The following FSTL1 variants were observed in gnomAD, a reference collection of about 807,000 sequenced individuals.
FSTL1 encodes follistatin-related protein 1.
FSTL1 carries 24 observed loss-of-function variants against 45.9 expected under a neutral mutation model. The ratio of observed to expected loss-of-function variants is 0.52; its 90% CI spans 0.38 to 0.74. The LOEUF is 0.74. Among genes scored for constraint, FSTL1 ranks in the 30% least tolerant of loss-of-function variants. FSTL1 has a pLI of 0.00. For missense variants in FSTL1, 340 were observed against 381.8 expected (o/e 0.89, Z 0.91); for synonymous variants, 120 against 137.6 (o/e 0.87, Z 0.89).
intron 5 of FSTL1, chr3:120,410,500 G>A: frequency 3.2e-6 from 1 of 308,854 alleles, no homozygotes; most frequent in Non-Finnish European, 6.4e-6. Flanking sequence ...TCTAAGGAAA[G>A]TATGTGCAAA....
chr3:120,414,489 G>T (rs1319793370), intron 3 of FSTL1, among the ~76,000 whole-genome samples: 1 of 151,776 alleles, frequency 6.6e-6, no homozygotes, highest in African/African-American at 2.4e-5. Flanking sequence ...TCTGGGAGGT[G>T]TGCCCAACAG....
intron 2 of FSTL1, among the ~76,000 whole-genome samples, chr3:120,429,996 C>T (rs577167225): frequency 6.6e-6 from 1 of 152,242 alleles, no homozygotes; most frequent in African/African-American, 2.4e-5. Flanking sequence ...GGAGTGCATT[C>T]TTACACATTC....
chr3:120,440,678 A>G (rs1218979922), intron 2 of FSTL1, among the ~76,000 whole-genome samples: 2 of 152,194 alleles, frequency 1.3e-5, no homozygotes, highest in Admixed American at 6.5e-5. Flanking sequence ...TCCTCTTTTG[A>G]GTTGACTTTG....
At chr3:120,450,847 C>T in intron 1 of FSTL1, 50 bp downstream of exon 1, 1 of 779,310 alleles carries the variant, frequency 1.3e-6, no homozygotes. Context: ...GCCCAAGCAC[C>T]CCCGGCCGCC....
chr3:120,420,057 C>G (rs1937252547), intron 2 of FSTL1, among the ~76,000 whole-genome samples: 1 of 152,178 alleles, frequency 6.6e-6, no homozygotes, highest in Admixed American at 6.5e-5. Flanking sequence ...GACTCCAGAG[C>G]CTCAAGGTTC....
intron 7 of FSTL1, 73 bp from the exon 8 acceptor site, chr3:120,403,427 G>A: frequency 1.1e-6 from 1 of 909,210 alleles, no homozygotes; most frequent in Non-Finnish European, 1.8e-6. Context: ...TAAGCATCAG[G>A]ACCACATACA....
At chr3:120,399,842 G>A in intron 10 of FSTL1, 41 bp downstream of exon 10, 7 of 1,372,878 alleles carry the variant, frequency 5.1e-6, no homozygotes, top group Non-Finnish European at 7.2e-6. Flanking sequence ...GGGCCTGATG[G>A]CAACAGCAAC....
At chr3:120,427,293 T>A (rs953247641) in intron 2 of FSTL1, among the ~76,000 whole-genome samples, 1 of 152,200 alleles carries the variant, frequency 6.6e-6, no homozygotes, top group Non-Finnish European at 1.5e-5. Flanking sequence ...TATGAACTCA[T>A]TTTGATCATT....
At chr3:120,405,787 AT>A in intron 6 of FSTL1, among the ~76,000 whole-genome samples, 1 of 152,354 alleles carries the variant, frequency 6.6e-6, no homozygotes, top group South Asian at 2.1e-4. Context: ...ATCTGGGACC[AT>A]TCAAGACACC....
At chr3:120,407,652 A>G (rs1936972723) in intron 6 of FSTL1, among the ~76,000 whole-genome samples, 1 of 152,246 alleles carries the variant, frequency 6.6e-6, no homozygotes, top group Non-Finnish European at 1.5e-5. Flanking sequence ...ACCAACAGGC[A>G]GCTGCTGACC....
intron 5 of FSTL1, chr3:120,410,733 C>T (rs1937034767): frequency 3.0e-6 from 2 of 662,302 alleles, no homozygotes; most frequent in African/African-American, 3.6e-5. Flanking sequence ...GAAAACACAG[C>T]CAACATTCTG....
intron 2 of FSTL1, among the ~76,000 whole-genome samples, chr3:120,448,831 C>A (rs1026142771): frequency 1.3e-5 from 2 of 152,070 alleles, no homozygotes; most frequent in Non-Finnish European, 2.9e-5. Context: ...TCTTGCAGGC[C>A]GCCTAGAATA....
intron 2 of FSTL1, chr3:120,441,443 A>T (rs1937626553): frequency 6.6e-6 from 1 of 152,254 alleles, no homozygotes; most frequent in Non-Finnish European, 1.5e-5. Flanking sequence ...CAGAAGAAAC[A>T]CTACATAGAA....
intron 3 of FSTL1, among the ~76,000 whole-genome samples, chr3:120,415,624 AG>A (rs1371080626): frequency 6.6e-6 from 1 of 152,216 alleles, no homozygotes; most frequent in African/African-American, 2.4e-5. Flanking sequence ...AAGGGATTGA[AG>A]GGTTATGGGG....
intron 3 of FSTL1, 44 bp from the exon 4 acceptor site, chr3:120,412,027 C>A: frequency 1.3e-6 from 2 of 1,553,742 alleles, no homozygotes; most frequent in Non-Finnish European, 8.8e-7. Context: ...TTATGGATAT[C>A]GACACACAGA....
At chr3:120,422,629 G>A (rs1338505825) in intron 2 of FSTL1, among the ~76,000 whole-genome samples, 2 of 152,088 alleles carry the variant, frequency 1.3e-5, no homozygotes. Flanking sequence ...ATCCAGATAA[G>A]AGATATATCG....
chr3:120,412,838 G>GCGCGCACGCACA (rs1429168694), intron 3 of FSTL1, among the ~76,000 whole-genome samples: 1 of 106,132 alleles, frequency 9.4e-6, no homozygotes, highest in Non-Finnish European at 2.1e-5. Flanking sequence ...GCGCGCGCGC[G>GCGCGCACGCACA]CACACACACA....
At chr3:120,416,139 A>T in intron 2 of FSTL1, 112 bp from the exon 3 acceptor site, 1 of 826,606 alleles carries the variant, frequency 1.2e-6, no homozygotes. Context: ...GTCATGGCTC[A>T]TGGTCTTAAA....
rs1936700932 is a variant in FSTL1, at chr3:120,396,425, G to A, written c.*527C>T. On this transcript the variant is annotated 3_prime_UTR_variant, in exon 11 of 11. Coordinates refer to ENST00000295633, the MANE Select transcript of FSTL1 (RefSeq NM_007085.5). ...ACTCCATCCAAGTCTGAGGGACACT[G>A]GGTTAACTAGCAGTATGGCTATGTA... is the stretch of plus-strand genomic sequence containing the variant. 1.3e-5 allele frequency: 2 copies of A among 154,114 alleles called. No homozygotes were observed. Among genetic ancestry groups the A allele is most frequent in the Non-Finnish European group, 2.9e-5 (2 of 69,194 alleles). 9.5% of individuals were successfully genotyped at this position (154,114 alleles called of 1,614,324 possible).
Sources: gnomAD v4.1 joint callset for allele counts (sites outside exome capture counted in the v4.1 genomes callset) on GRCh38, gnomAD v4.1.1 for gene constraint, MANE v1.5 for transcripts, NCBI Gene and HGNC (gene_info 2026-07-23, HGNC 2026-07-21) for gene names.